Variants in C8orf89 observed in about 807,000 individuals in gnomAD.
The protein encoded by C8orf89 is chromosome 8 open reading frame 89, also known as putative uncharacterized protein C8orf89.
In C8orf89, 14 loss-of-function variants were observed where a neutral mutation model predicts 15.8. The ratio of observed to expected loss-of-function variants is 0.89; its 90% confidence interval spans 0.59 to 1.39. C8orf89 has a LOEUF of 1.39. Ranked by LOEUF, C8orf89 falls within the 40% of genes most tolerant of loss-of-function variation. The pLI, the probability that C8orf89 is intolerant of heterozygous loss-of-function variation, is 0.00. For missense variants in C8orf89, 181 were observed against 184.5 expected, an observed-to-expected ratio of 0.98 and a Z score of 0.11; for synonymous variants, 55 against 62.2, an observed-to-expected ratio of 0.88 and a Z score of 0.54.
At chr8:73,242,243 C>T (rs548355689) in intron 3 of C8orf89, among the ~76,000 whole-genome samples, 33 of 152,142 alleles carry the variant, frequency 2.2e-4, no homozygotes, top group Admixed American at 3.9e-4. Context: ...TGCAGACTAC[C>T]CATCTGACAA....
the C8orf89 span, chr8:73,277,627 A>C: frequency 2.4e-5 from 18 of 761,452 alleles, no homozygotes; most frequent in Non-Finnish European, 7.4e-6. Context: ...TGGACCATAG[A>C]ACTTTTTCTT....
At chr8:73,278,653 T>G in the C8orf89 span, among the ~76,000 whole-genome samples, 3 of 152,258 alleles carry the variant, frequency 2.0e-5, no homozygotes, top group Non-Finnish European at 4.4e-5. Context: ...ATAGTCTACA[T>G]GTTTTGATTC....
At chr8:73,285,699 C>G in the C8orf89 span, among the ~76,000 whole-genome samples, 25 of 152,338 alleles carry the variant, frequency 1.6e-4, no homozygotes, top group Non-Finnish European at 2.9e-5. Context: ...GCAGGGGTGG[C>G]TGGGGCAGCG....
chr8:73,255,723 T>C (rs2130278589), intron 2 of C8orf89, among the ~76,000 whole-genome samples: 1 of 150,478 alleles, frequency 6.6e-6, no homozygotes, highest in East Asian at 1.9e-4. Context: ...TGTCCAACAA[T>C]GATAGACTGG....
chr8:73,279,933 G>A, the C8orf89 span, among the ~76,000 whole-genome samples: 1 of 152,186 alleles, frequency 6.6e-6, no homozygotes, highest in African/African-American at 2.4e-5. Flanking sequence ...TAAACCTTCA[G>A]GAGATTCCCG....
At chr8:73,259,805 T>C (rs192881262), upstream of C8orf89, among the ~76,000 whole-genome samples, 9 of 152,358 alleles carry the variant, frequency 5.9e-5, no homozygotes, top group Admixed American at 2.0e-4. Context: ...TCATCACTTT[T>C]ATTTTAAACG....
chr8:73,267,047 A>T, the C8orf89 span, among the ~76,000 whole-genome samples: 2 of 152,232 alleles, frequency 1.3e-5, no homozygotes, highest in African/African-American at 2.4e-5. Flanking sequence ...ATTAACTTTA[A>T]TGGATTAAAA....
the C8orf89 span, among the ~76,000 whole-genome samples, chr8:73,267,159 G>A: frequency 1.3e-5 from 2 of 152,068 alleles, no homozygotes; most frequent in Non-Finnish European, 2.9e-5. Context: ...CTGAAACTGT[G>A]GATAGTACTG....
At chr8:73,283,940 G>A in the C8orf89 span, among the ~76,000 whole-genome samples, 1 of 151,918 alleles carries the variant, frequency 6.6e-6, no homozygotes, top group African/African-American at 2.4e-5. Flanking sequence ...CTACTTGGGA[G>A]GCTGAGGCAG....
At chr8:73,242,701 T>A (rs1401026320) in intron 3 of C8orf89, among the ~76,000 whole-genome samples, 1 of 152,200 alleles carries the variant, frequency 6.6e-6, no homozygotes, top group African/African-American at 2.4e-5. Context: ...CATTCACTGT[T>A]AGTGGGAATG....
chr8:73,241,539 G>T lies in C8orf89; in HGVS notation c.404C>A (p.Ala135Asp). 6.5e-7 allele frequency: 1 copy of T among 1,533,038 alleles called. No homozygotes were observed. Among genetic ancestry groups the T allele is most frequent in the East Asian group, 2.4e-5 (1 of 40,878 alleles). 95.0% of individuals were successfully genotyped at this position (1,533,038 alleles called of 1,614,324 possible). A position where few individuals can be genotyped will look rare whatever the true frequency, so the allele number is the denominator to read the frequency against. ...SQYLERLSKI[A>D]ILEYDTIRQE... Reference sequence around the variant, plus strand: ...ACGAATGGTATCATATTCCAATATGGCTATTTTGGAAAGTCTCTCTAAGTA... The same window carrying T: ...ACGAATGGTATCATATTCCAATATGTCTATTTTGGAAAGTCTCTCTAAGTA... The change falls in exon 4 of 4, where the codon GCC becomes GAC. Residue 135 changes from alanine (A) to aspartate (D), a missense_variant. Coordinates refer to ENST00000624510, the MANE Select transcript of C8orf89 (RefSeq NM_001243237.3).
At chr8:73,285,250 G>A in the C8orf89 span, among the ~76,000 whole-genome samples, 2 of 152,088 alleles carry the variant, frequency 1.3e-5, no homozygotes, top group African/African-American at 2.4e-5. Context: ...AATCTGTAAG[G>A]GTGTGTCCAC....
At chr8:73,264,733 CACCTGCCTCA>C in the C8orf89 span, among the ~76,000 whole-genome samples, 5 of 152,320 alleles carry the variant, frequency 3.3e-5, no homozygotes, top group East Asian at 5.8e-4. Context: ...TCAAGTGATC[CACCTGCCTCA>C]ACCTCCCAAA....
At chr8:73,280,273 T>C in the C8orf89 span, among the ~76,000 whole-genome samples, 1 of 152,226 alleles carries the variant, frequency 6.6e-6, no homozygotes, top group Non-Finnish European at 1.5e-5. Context: ...TTGAAATATA[T>C]TGAAGCAAAA....
upstream of C8orf89, among the ~76,000 whole-genome samples, chr8:73,263,208 T>A (rs1195691032): frequency 1.3e-5 from 2 of 152,212 alleles, no homozygotes; most frequent in Non-Finnish European, 2.9e-5. Flanking sequence ...TATGGGTGTA[T>A]TTAAACATTT....
chr8:73,252,296 C>T (rs889815096), intron 2 of C8orf89, among the ~76,000 whole-genome samples: 1 of 152,022 alleles, frequency 6.6e-6, no homozygotes, highest in Non-Finnish European at 1.5e-5. Context: ...ACTGTGGATC[C>T]GTCAGTGAAA....
Position 73,259,339 on chromosome 8 carries a change from A to T in C8orf89, c.120T>A (p.Ile40=). Residue 40 remains isoleucine, a synonymous_variant, in exon 1 of 4, where the codon ATT becomes ATA. Coordinates refer to ENST00000624510, the MANE Select transcript of C8orf89 (RefSeq NM_001243237.3). The part of the protein sequence containing the change: ...WKKAVLETQK[I]KKEYTTAFGL... ...TAATAACAATAAAGTTACCTTTCTT[A>T]ATCTTTTGTGTTTCTAAAACTGCTT... 1 of 1,497,158 alleles carries T rather than the reference A, an allele frequency of 6.7e-7. No homozygotes were observed. Among genetic ancestry groups the T allele is most frequent in the Non-Finnish European group, 9.0e-7 (1 of 1,115,526 alleles). 92.7% of individuals were successfully genotyped at this position (1,497,158 alleles called of 1,614,324 possible). A position where few individuals can be genotyped will look rare whatever the true frequency, so the allele number is the denominator to read the frequency against.
intron 3 of C8orf89, among the ~76,000 whole-genome samples, chr8:73,249,808 T>C (rs114661015): frequency 0.057 from 8,694 of 152,164 alleles, 355 homozygotes; most frequent in African/African-American, 0.12. Flanking sequence ...TACACAGGAT[T>C]CACAAAAATA....
rs138998182 is a variant in C8orf89, at chr8:73,252,487, A to C, written c.282-2164T>G. Among the ~76,000 whole-genome samples the C allele has an allele frequency of 2.2e-3, 337 of 152,276 alleles. 2 individuals carry two copies. Among genetic ancestry groups the C allele is most frequent in the African/African-American group, 7.0e-3 (289 of 41,564 alleles). ...AGAAGGGAATATCCAAACAATAAAA[A>C]TGGATATGTTATGATGGGTAGATTA... is the stretch of plus-strand genomic sequence containing the variant. On this transcript the variant is annotated intron_variant, in intron 2 of 3. Transcript: ENST00000624510.
Sources: allele counts gnomAD v4.1 joint callset (sites outside exome capture counted in the v4.1 genomes callset), GRCh38; gene constraint gnomAD v4.1.1; transcripts MANE v1.5; gene names NCBI Gene and HGNC (gene_info 2026-07-23, HGNC 2026-07-21).